Variants in ZNF37A observed in about 807,000 individuals in gnomAD.
ZNF37A encodes the protein zinc finger protein 37A.
A neutral mutation model predicts 12.3 loss-of-function variants in ZNF37A; 10 were observed. The ratio of observed to expected loss-of-function variants is 0.82; its 90% CI spans 0.50 to 1.38. The LOEUF (loss-of-function observed/expected upper bound fraction) is 1.38, where lower values mean the gene tolerates loss of function less well. ZNF37A is among the 40% of genes most tolerant of loss of function. ZNF37A has a pLI of 0.00. For missense variants in ZNF37A, 580 were observed against 651.2 expected (o/e 0.89, Z 1.19); for synonymous variants, 207 against 223.0 (o/e 0.93, Z 0.64).
At position 38,114,834 on chromosome 10, in the gene ZNF37A, T is replaced by C; in HGVS notation, c.95T>C (p.Leu32Pro). Residue 32 changes from leucine (L) to proline (P), a missense_variant, in exon 6 of 8, where the codon CTG (leucine) becomes CCG (proline). Transcript: ENST00000685332. ...WQHLDPAQRT[L>P]YRDVMLENYS... is the part of the protein sequence containing the mutation. ...CATCTGGACCCTGCTCAGAGGACCC[T>C]GTACAGGGATGTGATGCTGGAGAAC... 6.2e-7 allele frequency: 1 copy of C among 1,613,782 alleles called. No individual in the cohort carries two copies. The highest frequency in any genetic ancestry group is 8.5e-7 in the Non-Finnish European group (1 of 1,179,946).
downstream of ZNF37A, among the ~76,000 whole-genome samples, chr10:38,126,594 A>G (rs1191573945): frequency 3.3e-5 from 5 of 152,204 alleles, no homozygotes; most frequent in African/African-American, 1.2e-4. Context: ...TTGCCTTATA[A>G]AAACTTGCCT....
downstream of ZNF37A, among the ~76,000 whole-genome samples, chr10:38,127,219 T>C (rs1008373773): frequency 1.3e-5 from 2 of 152,162 alleles, no homozygotes; most frequent in African/African-American, 4.8e-5. Context: ...TGTAGTTGTA[T>C]GGAGCTTGCC....
chr10:38,116,164 C>G (rs910342747), intron 7 of ZNF37A, among the ~76,000 whole-genome samples: 2 of 152,112 alleles, frequency 1.3e-5, no homozygotes, highest in African/African-American at 2.4e-5. Context: ...AAAAAGCTCT[C>G]CGGATAATAC....
At chr10:38,127,210 G>C, downstream of ZNF37A, among the ~76,000 whole-genome samples, 1 of 152,164 alleles carries the variant, frequency 6.6e-6, no homozygotes, top group East Asian at 1.9e-4. Flanking sequence ...AGTGAGATTT[G>C]TAGTTGTATG....
chr10:38,100,510 T>C (rs1015118900), intron 5 of ZNF37A, among the ~76,000 whole-genome samples: 1 of 152,220 alleles, frequency 6.6e-6, no homozygotes, highest in African/African-American at 2.4e-5. Flanking sequence ...GGATGTTCCT[T>C]GCTGAGAAAA....
chr10:38,148,235 A>G (rs948405256), exon 8 of ZNF37A: 1 of 152,268 alleles, frequency 6.6e-6, no homozygotes, highest in Non-Finnish European at 1.5e-5. Flanking sequence ...AGATCTAGAA[A>G]AATGAACTGG....
exon 8 of ZNF37A, chr10:38,149,082 C>T (rs548335717): frequency 6.6e-6 from 1 of 152,194 alleles, no homozygotes; most frequent in Non-Finnish European, 1.5e-5. Flanking sequence ...AAGTGATCCA[C>T]CCTTCTTCAC....
rs1302126846 is a variant in ZNF37A, at chr10:38,131,990, ATTTGTTTATTAGCTCTGGTGGTTTTC to A, written c.239-14737_239-14712del. ...CATCTTGTACCCATAATCTTGCTGA[ATTTGTTTATTAGCTCTGGTGGTTTTC>A]TTTGGATTCTTTGGAATATTCTACA... On this transcript the variant is annotated intron_variant, in intron 7 of 7. Transcript: ENST00000638053. 3.3e-5 allele frequency among the ~76,000 whole-genome samples: 5 copies of A among 152,224 alleles called. No individual in the cohort carries two copies. In the East Asian group the frequency reaches 9.6e-4, roughly 29 times the overall value.
At chr10:38,131,228 A>G (rs1450261823) in intron 7 of ZNF37A, among the ~76,000 whole-genome samples, 1 of 152,042 alleles carries the variant, frequency 6.6e-6, no homozygotes, top group Non-Finnish European at 1.5e-5. Context: ...CAATTGACCA[A>G]TTTTTTCATT....
chr10:38,131,938 G>A (rs545445788), intron 7 of ZNF37A, among the ~76,000 whole-genome samples: 10 of 151,962 alleles, frequency 6.6e-5, no homozygotes, highest in Admixed American at 4.6e-4. Context: ...TGGATTTTTC[G>A]TCAATGGTAT....
chr10:38,133,491 A>G (rs1344215442), intron 7 of ZNF37A, among the ~76,000 whole-genome samples: 3 of 98,726 alleles, frequency 3.0e-5, no homozygotes, highest in South Asian at 3.8e-4. Context: ...ACAGGCCCCA[A>G]TGTGTGATGT....
chr10:38,149,008 T>G (rs1590956885), exon 8 of ZNF37A: 4 of 151,998 alleles, frequency 2.6e-5, no homozygotes, highest in African/African-American at 9.7e-5. Context: ...TGGCTAATTT[T>G]TGTACTTTTA....
chr10:38,142,298 C>CA (rs1318467857), intron 7 of ZNF37A: 1 of 152,010 alleles, frequency 6.6e-6, no homozygotes, highest in Non-Finnish European at 1.5e-5. Context: ...CCAGGAAGAA[C>CA]AAAAAATATA....
In ZNF37A at chr10:38,105,007, C is replaced by CT. The variant is rs386371223; in HGVS notation, c.15+8390dup. 1.1e-3 allele frequency among the ~76,000 whole-genome samples: 153 copies of CT among 139,586 alleles called. 1 individual carries two copies. The highest frequency in any genetic ancestry group is 1.2e-3 in the African/African-American group (47 of 38,298). 91.6% of individuals were successfully genotyped at this position (139,586 alleles called of 152,430 possible). ...TCCCTGTTTGCATCCAATATTTTTT[C>CT]TTTTTTTTTTTTTTTGAGATGGAGT... On this transcript the variant is annotated intron_variant, in intron 5 of 7. Transcript: ENST00000685332.
intron 5 of ZNF37A, among the ~76,000 whole-genome samples, chr10:38,099,498 A>C (rs974741547): frequency 2.6e-5 from 4 of 152,120 alleles, no homozygotes; most frequent in Admixed American, 6.5e-5. Flanking sequence ...CATTGTACCC[A>C]TGTTTTATTA....
chr10:38,099,179 G>A (rs2067369568), intron 5 of ZNF37A, among the ~76,000 whole-genome samples: 1 of 152,116 alleles, frequency 6.6e-6, no homozygotes, highest in African/African-American at 2.4e-5. Flanking sequence ...GTACAATTCA[G>A]AAGCAGTGTT....
At chr10:38,096,703 A>G in intron 5 of ZNF37A, 71 bp downstream of exon 5, 1 of 1,450,800 alleles carries the variant, frequency 6.9e-7, no homozygotes, top group Non-Finnish European at 9.6e-7. Flanking sequence ...CTATACATTC[A>G]TATGAAAGTA....
chr10:38,109,347 A>C lies in ZNF37A; in HGVS notation c.16-5408A>C, dbSNP rs576585881. 2.6e-5 allele frequency among the ~76,000 whole-genome samples: 4 copies of C among 152,262 alleles called. No individual in the cohort carries two copies. The East Asian group carries it at 5.8e-4, about 22-fold the overall frequency. On this transcript the variant is annotated intron_variant, in intron 5 of 7. Transcript: ENST00000685332. ...TTGATGGAACATATCTCAAAATAAT[A>C]ATAAGAGCTATTTATGACAAACCCA...
At chr10:38,149,743 T>G (rs1465168417) in exon 8 of ZNF37A, 2 of 151,902 alleles carry the variant, frequency 1.3e-5, no homozygotes, top group African/African-American at 4.8e-5. Context: ...CCTGGCTAGT[T>G]TTTTTGTATT....
Sources: gnomAD v4.1 joint callset for allele counts (sites outside exome capture counted in the v4.1 genomes callset) on GRCh38, gnomAD v4.1.1 for gene constraint, MANE v1.5 for transcripts, NCBI Gene and HGNC (gene_info 2026-07-23, HGNC 2026-07-21) for gene names.